CTNNB1: variants seen among roughly 807,000 people sequenced by gnomAD.
CTNNB1 encodes catenin beta 1, also known as catenin beta-1.
CTNNB1 carries 6 observed loss-of-function variants against 82.5 expected under a neutral mutation model. The ratio of observed to expected loss-of-function variants is 0.07; its 90% CI spans 0.04 to 0.14. The LOEUF (loss-of-function observed/expected upper bound fraction) is 0.14, where lower values mean the gene tolerates loss of function less well. Ranked by LOEUF, CTNNB1 falls within the 10% of genes least tolerant of loss-of-function variation. The pLI is 1.00. For synonymous variants in CTNNB1, 312 were observed against 329.7 expected, an observed-to-expected ratio of 0.95 and a Z score of 0.58; for missense variants, 529 against 980.4, an observed-to-expected ratio of 0.54 and a Z score of 6.15.
At chr3:41,228,383 C>A (rs1264028197) in intron 7 of CTNNB1, among the ~76,000 whole-genome samples, 2 of 152,058 alleles carry the variant, frequency 1.3e-5, no homozygotes, top group Non-Finnish European at 2.9e-5. Flanking sequence ...CAGCATCTGT[C>A]ATTTTTTGAC....
At chr3:41,227,885 G>GT (rs1474992633) in intron 7 of CTNNB1, among the ~76,000 whole-genome samples, 1 of 152,000 alleles carries the variant, frequency 6.6e-6, no homozygotes, top group African/African-American at 2.4e-5. Context: ...CCTCCCACCC[G>GT]TAAGTAGGCC....
intron 1 of CTNNB1, among the ~76,000 whole-genome samples, chr3:41,203,301 T>C (rs566494040): frequency 6.6e-6 from 1 of 152,242 alleles, no homozygotes; most frequent in East Asian, 1.9e-4. Context: ...CTTTGATTTC[T>C]AAAATAATTA....
intron 1 of CTNNB1, among the ~76,000 whole-genome samples, chr3:41,204,222 T>C (rs1163482925): frequency 6.6e-6 from 1 of 152,204 alleles, no homozygotes; most frequent in East Asian, 1.9e-4. Context: ...TGCTTAGTAT[T>C]TACAGCATTT....
intron 1 of CTNNB1, chr3:41,200,104 T>G (rs968203953): frequency 6.6e-6 from 1 of 152,124 alleles, no homozygotes; most frequent in East Asian, 1.9e-4. Flanking sequence ...TCTCAGCTCT[T>G]GCGGCGAGTT....
chr3:41,225,177 A>G lies in CTNNB1; in HGVS notation c.465A>G (p.Glu155=), dbSNP rs1468262780. The G allele has an allele frequency of 1.9e-6, 3 of 1,614,094 alleles. No individual in the cohort carries two copies. The highest frequency in any genetic ancestry group is 1.7e-5 in the Admixed American group (1 of 59,994). Residue 155 remains glutamate (E), a synonymous_variant, in exon 4 of 15, where the codon GAA becomes GAG. Transcript: ENST00000349496. The surrounding 1 kb of genome is among the most constrained non-coding windows in gnomAD (Gnocchi z 5.3). The part of the protein sequence containing the change: ...DAELATRAIP[E]LTKLLNDEDQ... ...AACTTGCCACACGTGCAATCCCTGA[A>G]CTGACAAAACTGCTAAATGACGAGG...
At position 41,235,898 on chromosome 3, in the gene CTNNB1, A is replaced by T. The variant is rs868633430; in HGVS notation, c.1803+55A>T. 2.9e-5 allele frequency: 47 copies of T among 1,595,260 alleles called. 1 individual carries two copies. In the African/African-American group the frequency reaches 4.6e-4, roughly 15 times the overall value. ...TATGTCCATAAAATTTCCAGATTGT[A>T]ATGACTAATAACATTTCAGAAAATT... On this transcript the variant is annotated intron_variant, in intron 11 of 14. Coordinates refer to ENST00000349496, the MANE Select transcript of CTNNB1 (RefSeq NM_001904.4).
At position 41,240,349 on chromosome 3, in the gene CTNNB1, T is replaced by C. The variant is rs2078554655; in HGVS notation, c.*1007T>C. 1 of 188,854 alleles carries C rather than the reference T, an allele frequency of 5.3e-6. No homozygotes were observed. 11.7% of individuals were successfully genotyped at this position (188,854 alleles called of 1,614,324 possible). A position where few individuals can be genotyped will look rare whatever the true frequency, so the allele number is the denominator to read the frequency against. ...GTTTTGGACAGTTTACCAGTTGCCT[T>C]TTATCCCAAAGTTGTTGTAACCTGC... On this transcript the variant is annotated 3_prime_UTR_variant, in exon 15 of 15. Coordinates refer to ENST00000349496, the MANE Select transcript of CTNNB1 (RefSeq NM_001904.4).
intron 9 of CTNNB1, 68 bp from the exon 10 acceptor site, chr3:41,234,068 TGTG>T: frequency 2.5e-6 from 4 of 1,588,788 alleles, no homozygotes; most frequent in East Asian, 2.2e-5. Flanking sequence ...ATAGATTTAG[TGTG>T]GTGGGAATTT....
chr3:41,234,118 G>A, intron 9 of CTNNB1, 21 bp from the exon 10 acceptor site: 1 of 1,614,190 alleles, frequency 6.2e-7, no homozygotes, highest in Non-Finnish European at 8.5e-7. Flanking sequence ...TTGTATGCCA[G>A]TTCTTCCTTC....
chr3:41,224,549 G>T lies in CTNNB1; in HGVS notation c.37G>T (p.Ala13Ser), dbSNP rs121913394. Residue 13 changes from alanine to serine, a missense_variant, in exon 3 of 15, where the codon GCC becomes TCC. Ala to Ser is a moderately conservative substitution (Grantham distance 99, BLOSUM62 1). This residue lies in a region of CTNNB1 where 13 missense variants were observed against 48.6 expected (regional missense o/e 0.27). Transcript: ENST00000349496. ...TQADLMELDM[A>S]MEPDRKAAVS... ...AGCTGATTTGATGGAGTTGGACATG[G>T]CCATGGAACCAGACAGAAAAGCGGC... is the stretch of plus-strand genomic sequence containing the variant. 6.2e-7 allele frequency: 1 copy of T among 1,613,794 alleles called. No homozygotes were observed. The highest frequency in any genetic ancestry group is 2.2e-5 in the East Asian group (1 of 44,874).
At chr3:41,215,382 CAAA>C (rs35166040) in intron 1 of CTNNB1, among the ~76,000 whole-genome samples, 6 of 48,864 alleles carry the variant, frequency 1.2e-4, no homozygotes, top group South Asian at 1.1e-3. Context: ...AACACCATCT[CAAA>C]AAAAAAAAAA....
chr3:41,215,203 C>T (rs1271085104), intron 1 of CTNNB1, among the ~76,000 whole-genome samples: 1 of 129,322 alleles, frequency 7.7e-6, no homozygotes, highest in Non-Finnish European at 1.6e-5. Flanking sequence ...TGGTGAAACC[C>T]TGTCTCCATT....
intron 1 of CTNNB1, among the ~76,000 whole-genome samples, chr3:41,211,259 C>T (rs931701287): frequency 6.6e-6 from 1 of 152,212 alleles, no homozygotes; most frequent in Admixed American, 6.5e-5. Context: ...TATGAGACCA[C>T]TGTTGTATGT....
At chr3:41,214,384 T>A (rs945866206) in intron 1 of CTNNB1, among the ~76,000 whole-genome samples, 1 of 104,630 alleles carries the variant, frequency 9.6e-6, no homozygotes, top group Non-Finnish European at 1.9e-5. Flanking sequence ...AGCCTGTAGG[T>A]CTTTATAGTT....
At chr3:41,237,860 G>C in intron 13 of CTNNB1, 156 bp from the exon 14 acceptor site, 1 of 675,276 alleles carries the variant, frequency 1.5e-6, no homozygotes, top group Non-Finnish European at 2.7e-6. Context: ...TTGAGGTGTG[G>C]AGTTTTGAAG....
In CTNNB1 at chr3:41,239,844, G is replaced by A; in HGVS notation, c.*502G>A. The A allele has an allele frequency of 3.9e-6, 1 of 255,180 alleles. No homozygotes were observed. Among genetic ancestry groups the A allele is most frequent in the East Asian group, 5.7e-5 (1 of 17,592 alleles). 15.8% of individuals were successfully genotyped at this position (255,180 alleles called of 1,614,324 possible). A position where few individuals can be genotyped will look rare whatever the true frequency, so the allele number is the denominator to read the frequency against. On this transcript the variant is annotated 3_prime_UTR_variant, in exon 15 of 15. Transcript: ENST00000349496. ...GAGTAACAATACAAATGGATTTTGG[G>A]AGTGACTCAAGAAGTGAAGAATGCA...
chr3:41,239,452 A>G lies in CTNNB1; in HGVS notation c.*110A>G, dbSNP rs536585791. On this transcript the variant is annotated 3_prime_UTR_variant, in exon 15 of 15. Transcript: ENST00000349496. ...TGGTAGGGTGGGAGTGGTTTAGGCT[A>G]TTTGTAAATCTGCCACAAAAACAGG... 3.2e-4 allele frequency: 302 copies of G among 937,030 alleles called. 7 individuals carry two copies. The South Asian group carries it at 3.3e-3, about 10-fold the overall frequency. The allele number at this position is 937,030 out of a possible 1,614,324, so 58.0% of individuals were successfully genotyped here. A position where few individuals can be genotyped will look rare whatever the true frequency, so the allele number is the denominator to read the frequency against.
intron 7 of CTNNB1, among the ~76,000 whole-genome samples, chr3:41,229,904 G>GTT (rs2078267433): frequency 6.6e-6 from 1 of 151,868 alleles, no homozygotes; most frequent in African/African-American, 2.4e-5. Context: ...GTGTGTGTGT[G>GTT]TGTCATGAAA....
At chr3:41,238,384 C>G in intron 14 of CTNNB1, 1 of 324,826 alleles carries the variant, frequency 3.1e-6, no homozygotes, top group South Asian at 4.2e-5. Context: ...ACTCATAATA[C>G]CTTTGTCTAC....
Sources: gnomAD v4.1 joint callset for allele counts (sites outside exome capture counted in the v4.1 genomes callset) on GRCh38, gnomAD v4.1.1 for gene constraint, gnomAD v4.1.1 regional missense constraint, Gnocchi (gnomAD v3.1) non-coding constraint, MANE v1.5 for transcripts, NCBI Gene and HGNC (gene_info 2026-07-23, HGNC 2026-07-21) for gene names.